The following DLG2 variants were observed in gnomAD, a reference collection of about 807,000 sequenced individuals.
The protein encoded by DLG2 is disks large homolog 2.
A neutral mutation model predicts 132.5 loss-of-function variants in DLG2; 45 were observed. The observed-to-expected ratio is 0.34, with a 90% CI of 0.27 to 0.44. The LOEUF (loss-of-function observed/expected upper bound fraction) is 0.44, where lower values mean the gene tolerates loss of function less well. DLG2 is among the 20% of genes least tolerant of loss of function. The pLI is 1.00. For missense variants in DLG2, 1,045 were observed against 1,196.9 expected (o/e 0.87, Z 1.87); for synonymous variants, 424 against 419.6 (o/e 1.01, Z -0.13).
At chr11:84,195,240 T>C (rs2096493832) in intron 8 of DLG2, among the ~76,000 whole-genome samples, 1 of 152,234 alleles carries the variant, frequency 6.6e-6, no homozygotes, top group Non-Finnish European at 1.5e-5. Flanking sequence ...CTCAGCTCAC[T>C]GCAATTGCCG....
chr11:85,562,937 C>T (rs2077335922), intron 3 of DLG2, among the ~76,000 whole-genome samples: 1 of 151,808 alleles, frequency 6.6e-6, no homozygotes, highest in Non-Finnish European at 1.5e-5. Flanking sequence ...GTTATTTCTC[C>T]AGTTCTTCCA....
At chr11:83,626,649 C>T (rs112116955) in intron 19 of DLG2, among the ~76,000 whole-genome samples, 2,361 of 151,926 alleles carry the variant, frequency 0.016, 67 homozygotes, top group African/African-American at 0.054. Flanking sequence ...AAATTCAGAA[C>T]GAAACTATGA....
At chr11:84,269,127 A>G (rs567590653) in intron 7 of DLG2, among the ~76,000 whole-genome samples, 15 of 152,220 alleles carry the variant, frequency 9.9e-5, no homozygotes, top group Non-Finnish European at 1.9e-4. Flanking sequence ...GAAACACTGT[A>G]AACAACTTGC....
chr11:84,217,210 A>G (rs2096847349), intron 8 of DLG2, among the ~76,000 whole-genome samples: 1 of 152,208 alleles, frequency 6.6e-6, no homozygotes, highest in South Asian at 2.1e-4. Flanking sequence ...AAATATCATG[A>G]CCATTTATAT....
rs117927822 is a variant in DLG2 at position 84,941,636 on chromosome 11, T to C, written c.357+170025A>G. ...TGTTGAATTCAGTTTTCTAGTATTT[T>C]GTTGAGAATTTTTACATCAATATTA... On this transcript the variant is annotated intron_variant, in intron 6 of 27. Coordinates refer to ENST00000376104, the MANE Select transcript of DLG2 (RefSeq NM_001142699.3). 9.5e-3 allele frequency among the ~76,000 whole-genome samples: 1,439 copies of C among 152,166 alleles called. 7 individuals are homozygous for C. The highest frequency in any genetic ancestry group is 0.017 in the Non-Finnish European group (1,131 of 67,960).
intron 19 of DLG2, among the ~76,000 whole-genome samples, chr11:83,625,006 T>C (rs80137429): frequency 0.014 from 2,097 of 152,318 alleles, 51 homozygotes; most frequent in African/African-American, 0.048. Context: ...ATTCAAGAAG[T>C]TTCTATTTCC....
chr11:84,731,726 A>G (rs879391917), intron 6 of DLG2, among the ~76,000 whole-genome samples: 1 of 152,020 alleles, frequency 6.6e-6, no homozygotes, highest in Non-Finnish European at 1.5e-5. Context: ...TTCTTATTCT[A>G]AAAGCCTTAG....
chr11:84,071,881 G>T (rs1022114997), intron 10 of DLG2, among the ~76,000 whole-genome samples: 1 of 152,164 alleles, frequency 6.6e-6, no homozygotes, highest in African/African-American at 2.4e-5. Flanking sequence ...CAGCATAGAG[G>T]AAAAGAGAAT....
chr11:83,490,952 T>C (rs1365658719), intron 21 of DLG2, among the ~76,000 whole-genome samples: 1 of 152,008 alleles, frequency 6.6e-6, no homozygotes, highest in Non-Finnish European at 1.5e-5. Context: ...GAGTTGGTAA[T>C]TGTTGAAGCT....
chr11:83,522,377 C>T (rs1298524111), intron 21 of DLG2, among the ~76,000 whole-genome samples: 1 of 152,092 alleles, frequency 6.6e-6, no homozygotes, highest in African/African-American at 2.4e-5. Context: ...TCTTATTCAT[C>T]TACGTCTCCA....
intron 6 of DLG2, among the ~76,000 whole-genome samples, chr11:84,562,343 G>GA (rs1286587566): frequency 6.6e-6 from 1 of 151,668 alleles, no homozygotes. Context: ...TTTTTAAAAA[G>GA]AAAAAAAATT....
At chr11:84,818,683 C>T (rs1176429848) in intron 6 of DLG2, among the ~76,000 whole-genome samples, 3 of 151,834 alleles carry the variant, frequency 2.0e-5, no homozygotes, top group Admixed American at 2.0e-4. Flanking sequence ...AAAGCTCAGG[C>T]ACACAAAAAT....
chr11:84,235,885 A>C (rs1288459906), intron 8 of DLG2, among the ~76,000 whole-genome samples: 1 of 152,156 alleles, frequency 6.6e-6, no homozygotes, highest in African/African-American at 2.4e-5. Context: ...ACAATAATAT[A>C]CTTTGTATGG....
At chr11:84,622,788 G>C (rs763522972) in intron 6 of DLG2, among the ~76,000 whole-genome samples, 1 of 152,140 alleles carries the variant, frequency 6.6e-6, no homozygotes, top group Non-Finnish European at 1.5e-5. Context: ...GATCAAAATG[G>C]TAGATCAAGA....
At chr11:85,467,214 G>T (rs1175122154) in intron 3 of DLG2, among the ~76,000 whole-genome samples, 3 of 152,198 alleles carry the variant, frequency 2.0e-5, no homozygotes, top group African/African-American at 7.2e-5. Flanking sequence ...TTTGGGCTGA[G>T]ACGATGGGGT....
At position 85,078,510 on chromosome 11, in the gene DLG2, C is replaced by T. The variant is rs188942431; in HGVS notation, c.357+33151G>A. ...AGTAAGACATATAGAAGGGGTACAT[C>T]TTGAGATGTGTAGGCAACAATAAAG... On this transcript the variant is annotated intron_variant, in intron 6 of 27. Transcript: ENST00000376104. Among the ~76,000 whole-genome samples the T allele has an allele frequency of 2.8e-3, 418 of 151,952 alleles. 2 individuals are homozygous for T. Among genetic ancestry groups the T allele is most frequent in the Non-Finnish European group, 1.8e-3 (121 of 67,932 alleles).
chr11:85,008,000 C>T (rs2058844502), intron 6 of DLG2, among the ~76,000 whole-genome samples: 1 of 152,040 alleles, frequency 6.6e-6, no homozygotes, highest in South Asian at 2.1e-4. Context: ...AGAACAGTCC[C>T]CAGCAGGATC....
At chr11:85,306,547 G>T (rs2079954549) in intron 3 of DLG2, among the ~76,000 whole-genome samples, 1 of 151,706 alleles carries the variant, frequency 6.6e-6, no homozygotes, top group Admixed American at 6.6e-5. Flanking sequence ...ACTATTAGTG[G>T]AGATCTGACC....
At chr11:84,746,316 T>A (rs918992374) in intron 6 of DLG2, among the ~76,000 whole-genome samples, 1 of 151,690 alleles carries the variant, frequency 6.6e-6, no homozygotes, top group Non-Finnish European at 1.5e-5. Context: ...CAGAAACTGA[T>A]GCTTCAAAAT....
Sources: gnomAD v4.1 joint callset for allele counts (sites outside exome capture counted in the v4.1 genomes callset) on GRCh38, gnomAD v4.1.1 for gene constraint, MANE v1.5 for transcripts, NCBI Gene and HGNC (gene_info 2026-07-23, HGNC 2026-07-21) for gene names.